Variants in ZNF131 observed in about 807,000 individuals in gnomAD.
ZNF131 encodes the protein zinc finger protein 131.
In ZNF131, 7 loss-of-function variants were observed where a neutral mutation model predicts 60.0. The ratio of observed to expected loss-of-function variants is 0.12; its 90% CI spans 0.07 to 0.22. The LOEUF is 0.22. Ranked by LOEUF, ZNF131 falls within the 10% of genes least tolerant of loss-of-function variation. ZNF131 has a pLI of 1.00. For missense variants in ZNF131, 493 were observed against 740.9 expected, an observed-to-expected ratio of 0.67 and a Z score of 3.88; for synonymous variants, 257 against 253.2, an observed-to-expected ratio of 1.01 and a Z score of -0.14.
At chr5:43,153,550 G>T (rs536923330) in intron 4 of ZNF131, among the ~76,000 whole-genome samples, 105 of 151,874 alleles carry the variant, frequency 6.9e-4, no homozygotes, top group Non-Finnish European at 1.2e-3. Context: ...GCTGAGGCAG[G>T]AGAATCACTT....
intron 4 of ZNF131, among the ~76,000 whole-genome samples, chr5:43,160,016 A>C (rs1749452724): frequency 6.6e-6 from 1 of 151,902 alleles, no homozygotes; most frequent in South Asian, 2.1e-4. Context: ...CTCTACTAAA[A>C]ATACAAAATA....
chr5:43,167,377 A>C (rs1029212719), intron 5 of ZNF131, among the ~76,000 whole-genome samples: 5 of 152,210 alleles, frequency 3.3e-5, no homozygotes, highest in African/African-American at 1.2e-4. Flanking sequence ...AGTAAAGCAC[A>C]ATAAAATTAG....
chr5:43,122,092 C>T lies in ZNF131; in HGVS notation c.39C>T (p.Phe13=), dbSNP rs1467926734. 8 of 1,613,844 alleles carry T rather than the reference C, an allele frequency of 5.0e-6. No individual in the cohort carries two copies. The highest frequency in any genetic ancestry group is 2.7e-5 in the African/African-American group (2 of 74,866). The change falls in exon 2 of 7, where the codon TTC becomes TTT. Residue 13 remains phenylalanine (F), a synonymous_variant. Coordinates refer to ENST00000682664, the MANE Select transcript of ZNF131 (RefSeq NM_001330707.2). ...AEETMECLQE[F]PEHHKMILDR... The stretch of plus-strand genomic sequence containing the variant: ...AGACGATGGAATGCCTTCAGGAGTT[C>T]CCTGAACATCATAAAATGATCCTCG...
chr5:43,121,148 G>C (rs937775834), intron 1 of ZNF131, 25 bp downstream of exon 1: 1 of 152,408 alleles, frequency 6.6e-6, no homozygotes, highest in African/African-American at 2.4e-5. Context: ...CCCAGGTCTC[G>C]GAAGGAAGGG....
intron 4 of ZNF131, among the ~76,000 whole-genome samples, chr5:43,160,429 G>A (rs1227210452): frequency 6.6e-6 from 1 of 151,746 alleles, no homozygotes; most frequent in Non-Finnish European, 1.5e-5. Flanking sequence ...GAGCCCAAGA[G>A]GTTGAAGCCA....
At chr5:43,154,406 T>C (rs1271890778) in intron 4 of ZNF131, among the ~76,000 whole-genome samples, 1 of 150,114 alleles carries the variant, frequency 6.7e-6, no homozygotes, top group Non-Finnish European at 1.5e-5. Context: ...AGAGCGAGAC[T>C]CCGTCTCCAA....
chr5:43,170,940 T>A (rs560604177), intron 5 of ZNF131, among the ~76,000 whole-genome samples: 16 of 150,720 alleles, frequency 1.1e-4, no homozygotes, highest in Admixed American at 8.6e-4. Context: ...GGCGATTTTT[T>A]AAATTTTTTT....
chr5:43,122,277 C>T (rs991459136), intron 2 of ZNF131, 100 bp downstream of exon 2: 74 of 1,325,906 alleles, frequency 5.6e-5, no homozygotes, highest in Non-Finnish European at 6.6e-5. Flanking sequence ...TTTAACCCAT[C>T]CTCTATGGTC....
intron 5 of ZNF131, among the ~76,000 whole-genome samples, chr5:43,170,382 T>A (rs1206147441): frequency 1.3e-5 from 2 of 152,184 alleles, no homozygotes; most frequent in African/African-American, 4.8e-5. Flanking sequence ...ATCTAGGACC[T>A]CCTCATTACT....
intron 3 of ZNF131, among the ~76,000 whole-genome samples, chr5:43,127,476 G>A (rs921195761): frequency 6.6e-6 from 1 of 152,250 alleles, no homozygotes; most frequent in African/African-American, 2.4e-5. Flanking sequence ...TCCCCAGATG[G>A]TGCCTACGCA....
At chr5:43,152,079 C>G (rs575848466) in intron 4 of ZNF131, among the ~76,000 whole-genome samples, 2 of 152,200 alleles carry the variant, frequency 1.3e-5, no homozygotes, top group East Asian at 1.9e-4. Context: ...GATCTTGGCT[C>G]ACTGCCTCTA....
At chr5:43,135,587 G>C (rs1267660243) in intron 3 of ZNF131, among the ~76,000 whole-genome samples, 1 of 150,504 alleles carries the variant, frequency 6.6e-6, no homozygotes, top group South Asian at 2.1e-4. Context: ...TGTCTCTTCC[G>C]GAAAAAAATA....
intron 4 of ZNF131, among the ~76,000 whole-genome samples, chr5:43,139,840 T>G (rs1018240953): frequency 6.6e-6 from 1 of 152,228 alleles, no homozygotes; most frequent in African/African-American, 2.4e-5. Context: ...AGTTACATTA[T>G]TCCTTGTTAG....
At chr5:43,154,777 T>C (rs1431096867) in intron 4 of ZNF131, among the ~76,000 whole-genome samples, 2 of 152,206 alleles carry the variant, frequency 1.3e-5, no homozygotes, top group Non-Finnish European at 2.9e-5. Flanking sequence ...AATAGTCCCT[T>C]ATCTTGCACA....
At position 43,161,558 on chromosome 5, in the gene ZNF131, A is replaced by G; in HGVS notation, c.681A>G (p.Lys227=). 2.5e-5 allele frequency: 40 copies of G among 1,614,270 alleles called. No individual in the cohort carries two copies. The highest frequency in any genetic ancestry group is 3.4e-5 in the Non-Finnish European group (40 of 1,180,044). Residue 227 remains lysine, a synonymous_variant, in exon 5 of 7, where the codon AAA becomes AAG. Transcript: ENST00000682664. ...GCAAGTACCGTCAAGGTGACAGAAA[A>G]GGGCAGATTAAAGAAGATGGCTGTC... The part of the protein sequence containing the change: ...ITSKYRQGDR[K]GQIKEDGCPS...
chr5:43,151,662 C>T (rs1158302160), intron 4 of ZNF131, among the ~76,000 whole-genome samples: 1 of 152,032 alleles, frequency 6.6e-6, no homozygotes, highest in African/African-American at 2.4e-5. Context: ...CTCCAACTCC[C>T]GACCTCAAGT....
chr5:43,166,722 C>T (rs578167829), intron 5 of ZNF131, among the ~76,000 whole-genome samples: 1 of 152,090 alleles, frequency 6.6e-6, no homozygotes, highest in East Asian at 1.9e-4. Flanking sequence ...GTGGCGTGAT[C>T]TCGGCTCACT....
rs531290286 is a variant in ZNF131 at position 43,131,264 on chromosome 5, G to T, written c.227-7901G>T. ...CTCGGCTCACTGCAACCTCTACCTC[G>T]CAGGTTCAAGCGATTGTCCTGCCTC... On this transcript the variant is annotated intron_variant, in intron 3 of 6. Coordinates refer to ENST00000682664, the MANE Select transcript of ZNF131 (RefSeq NM_001330707.2). Among the ~76,000 whole-genome samples the T allele has an allele frequency of 7.3e-5, 11 of 151,520 alleles. No individual in the cohort carries two copies. In the South Asian group the frequency reaches 1.7e-3, roughly 23 times the overall value.
chr5:43,134,499 G>C (rs544260663), intron 3 of ZNF131, among the ~76,000 whole-genome samples: 2 of 152,002 alleles, frequency 1.3e-5, no homozygotes, highest in East Asian at 3.8e-4. Flanking sequence ...GGAAATCCTC[G>C]TTAGAGCAAT....
Sources: gnomAD v4.1 joint callset for allele counts (sites outside exome capture counted in the v4.1 genomes callset) on GRCh38, gnomAD v4.1.1 for gene constraint, MANE v1.5 for transcripts, NCBI Gene and HGNC (gene_info 2026-07-23, HGNC 2026-07-21) for gene names.